Variants in CSMD1 observed in about 807,000 individuals in gnomAD.
The protein encoded by CSMD1 is CUB and Sushi multiple domains 1.
A neutral mutation model predicts 417.5 loss-of-function variants in CSMD1; 213 were observed. That is an observed-to-expected ratio of 0.51 (90% CI 0.46 to 0.57). CSMD1 has a LOEUF of 0.57. Ranked by LOEUF, CSMD1 falls within the 20% of genes least tolerant of loss-of-function variation. CSMD1 has a pLI of 0.00. For synonymous variants in CSMD1, 2,862 were observed against 1,736.8 expected, an observed-to-expected ratio of 1.65 and a Z score of -16.11; for missense variants, 6,923 against 4,529.7, an observed-to-expected ratio of 1.53 and a Z score of -15.17.
At chr8:3,296,027 G>T (rs1392480748) in intron 25 of CSMD1, among the ~76,000 whole-genome samples, 2 of 152,044 alleles carry the variant, frequency 1.3e-5, no homozygotes, top group Non-Finnish European at 2.9e-5. Context: ...ATACAGGGAA[G>T]AGACAGGCAG....
intron 5 of CSMD1, among the ~76,000 whole-genome samples, chr8:3,900,190 C>T (rs893470846): frequency 4.0e-5 from 6 of 151,898 alleles, no homozygotes; most frequent in African/African-American, 1.5e-4. Context: ...AGCTGGGTAA[C>T]AGTGCAGCTG....
chr8:4,106,842 G>C (rs1292055145), intron 3 of CSMD1, among the ~76,000 whole-genome samples: 1 of 152,108 alleles, frequency 6.6e-6, no homozygotes, highest in Non-Finnish European at 1.5e-5. Context: ...CGAAGTCAGA[G>C]AGAAAAGAAA....
rs536678315 is a variant in CSMD1, at chr8:4,018,675, T to C, written c.610+13230A>G. Among the ~76,000 whole-genome samples the C allele has an allele frequency of 3.9e-5, 6 of 152,324 alleles. No homozygotes were observed. The East Asian group carries it at 7.7e-4, about 20-fold the overall frequency. On this transcript the variant is annotated intron_variant, in intron 4 of 69. Transcript: ENST00000635120. The stretch of plus-strand genomic sequence containing the variant: ...TGTTTAATTCAAGTTGTAATATTTG[T>C]TTCTCAATTTTAAGTTAGGTTCTTT...
chr8:4,923,437 C>T (rs1194995622), intron 1 of CSMD1, among the ~76,000 whole-genome samples: 1 of 152,196 alleles, frequency 6.6e-6, no homozygotes, highest in African/African-American at 2.4e-5. Context: ...GATATACATT[C>T]TCCATGGTGT....
intron 3 of CSMD1, among the ~76,000 whole-genome samples, chr8:4,304,850 A>T (rs1484439889): frequency 2.0e-5 from 3 of 152,194 alleles, no homozygotes; most frequent in African/African-American, 7.2e-5. Flanking sequence ...TTGAGACCCT[A>T]TTTCACCTTA....
chr8:4,209,385 G>T (rs1800168273), intron 3 of CSMD1, among the ~76,000 whole-genome samples: 1 of 152,108 alleles, frequency 6.6e-6, no homozygotes, highest in Non-Finnish European at 1.5e-5. Context: ...TCCTTCTGAT[G>T]CCGAAGACTC....
rs551515895 is a variant in CSMD1 at position 4,855,052 on chromosome 8, A to C, written c.85+139280T>G. ...GAAGAGAGCAGTGGTTCTCCCAGCA[A>C]GCAGCTGGAGATCTGAGAACGGGCA... On this transcript the variant is annotated intron_variant, in intron 1 of 69. Transcript: ENST00000635120. Among the ~76,000 whole-genome samples the C allele has an allele frequency of 9.7e-4, 148 of 152,136 alleles. 1 individual carries two copies. Among genetic ancestry groups the C allele is most frequent in the Middle Eastern group, 3.4e-3 (1 of 294 alleles).
chr8:3,309,582 C>G (rs373340145), intron 23 of CSMD1, among the ~76,000 whole-genome samples: 1 of 142,582 alleles, frequency 7.0e-6, no homozygotes, highest in South Asian at 2.3e-4. Flanking sequence ...CTTACAGTAA[C>G]ATATTTCTAT....
intron 7 of CSMD1, among the ~76,000 whole-genome samples, chr8:3,680,119 G>A (rs193292167): frequency 2.3e-4 from 35 of 152,036 alleles, no homozygotes; most frequent in African/African-American, 8.4e-4. Flanking sequence ...CATCACAATT[G>A]AAACAACTAG....
intron 12 of CSMD1, among the ~76,000 whole-genome samples, chr8:3,461,366 C>T (rs1816488604): frequency 6.6e-6 from 1 of 152,192 alleles, no homozygotes; most frequent in African/African-American, 2.4e-5. Flanking sequence ...GAAGGATGTG[C>T]TGCTGTCCTC....
chr8:3,480,111 C>A (rs1817651632), intron 11 of CSMD1, among the ~76,000 whole-genome samples: 1 of 152,084 alleles, frequency 6.6e-6, no homozygotes, highest in Non-Finnish European at 1.5e-5. Context: ...GTAATCTCAG[C>A]ACTTTGGGAG....
chr8:3,428,801 C>A (rs145291574), intron 12 of CSMD1, among the ~76,000 whole-genome samples: 2 of 152,158 alleles, frequency 1.3e-5, no homozygotes, highest in African/African-American at 2.4e-5. Context: ...ACGGAAAGAA[C>A]CGAGGTGTCA....
At position 4,276,251 on chromosome 8, in the gene CSMD1, A is replaced by T. The variant is rs57502881; in HGVS notation, c.415+143702T>A. ...GCCCATCAACGATAGACTGAATTTT[A>T]AAAAAAATGTGGCACATATACACCA... On this transcript the variant is annotated intron_variant, in intron 3 of 69. Transcript: ENST00000635120. Among the ~76,000 whole-genome samples, 1,446 of 152,058 alleles carry T rather than the reference A, an allele frequency of 9.5e-3. 16 individuals carry two copies. Among genetic ancestry groups the T allele is most frequent in the African/African-American group, 0.034 (1,387 of 41,392 alleles).
At chr8:2,999,414 A>T (rs1807203903) in intron 53 of CSMD1, among the ~76,000 whole-genome samples, 1 of 152,070 alleles carries the variant, frequency 6.6e-6, no homozygotes, top group African/African-American at 2.4e-5. Context: ...TCAGCCTCCC[A>T]AAGTGCTGGG....
At chr8:4,567,909 A>T (rs561559505) in intron 2 of CSMD1, among the ~76,000 whole-genome samples, 1 of 152,216 alleles carries the variant, frequency 6.6e-6, no homozygotes, top group South Asian at 2.1e-4. Context: ...GAGTTCACTT[A>T]ATCAATGACC....
intron 10 of CSMD1, among the ~76,000 whole-genome samples, chr8:3,540,301 A>T (rs1015541591): frequency 2.0e-5 from 3 of 152,214 alleles, no homozygotes; most frequent in Non-Finnish European, 4.4e-5. Context: ...TGAATAGGTG[A>T]TAACTCTTCT....
intron 3 of CSMD1, among the ~76,000 whole-genome samples, chr8:4,217,965 G>A (rs1426214350): frequency 6.6e-6 from 1 of 152,180 alleles, no homozygotes; most frequent in Admixed American, 6.5e-5. Context: ...GTAATGCCAT[G>A]GTAGTTGGTG....
rs577794764 is a variant in CSMD1, at chr8:4,630,781, G to A, written c.302+6561C>T. Among the ~76,000 whole-genome samples the A allele has an allele frequency of 3.9e-5, 6 of 152,210 alleles. No individual in the cohort carries two copies. The South Asian group carries it at 1.2e-3, about 32-fold the overall frequency. On this transcript the variant is annotated intron_variant, in intron 2 of 69. Transcript: ENST00000635120. The stretch of plus-strand genomic sequence containing the variant: ...CTAAGCATTGATGGGTTTCTGTGAT[G>A]TGTCATCTGTGCTCCAGTTAAGAAG...
intron 2 of CSMD1, among the ~76,000 whole-genome samples, chr8:4,632,348 A>G (rs1189740326): frequency 6.6e-6 from 1 of 151,766 alleles, no homozygotes; most frequent in African/African-American, 2.4e-5. Flanking sequence ...CCCCGTCTCT[A>G]CTAAAAATAA....
Sources: gnomAD v4.1 joint callset for allele counts (sites outside exome capture counted in the v4.1 genomes callset) on GRCh38, gnomAD v4.1.1 for gene constraint, MANE v1.5 for transcripts, NCBI Gene and HGNC (gene_info 2026-07-23, HGNC 2026-07-21) for gene names.